Variants in ZMIZ1 observed in about 807,000 individuals in gnomAD.
ZMIZ1 encodes zinc finger MIZ domain-containing protein 1.
A neutral mutation model predicts 113.9 loss-of-function variants in ZMIZ1; 17 were observed. The observed-to-expected ratio is 0.15, with a 90% CI of 0.10 to 0.22. The LOEUF (loss-of-function observed/expected upper bound fraction) is 0.22, where lower values mean the gene tolerates loss of function less well. Among genes scored for constraint, ZMIZ1 ranks in the 10% least tolerant of loss-of-function variants. The pLI is 1.00. For missense variants in ZMIZ1, 1,059 were observed against 1,477.8 expected (o/e 0.72, Z 4.65); for synonymous variants, 607 against 603.1 (o/e 1.01, Z -0.09).
chr10:79,304,501 GTC>G (rs1854550354), intron 19 of ZMIZ1, among the ~76,000 whole-genome samples: 1 of 152,252 alleles, frequency 6.6e-6, no homozygotes, highest in Admixed American at 6.5e-5. Context: ...TCATGCCTCT[GTC>G]CAGGGCCTTG....
Position 79,311,081 on chromosome 10 carries a change from C to T in ZMIZ1, c.2993C>T (p.Pro998Leu). ...QPPRQPPQAA[P>L]SSHPHSDLTF... ...CCCCGGCAGCCGCCACAGGCCGCTC[C>T]CAGCAGCCATCCACACAGCGACCTG... The change falls in exon 24 of 25, where the codon CCC (proline) becomes CTC (leucine). Residue 998 changes from proline (P) to leucine (L), a missense_variant. Pro to Leu is a moderately conservative substitution (Grantham distance 98). This residue lies in a region of ZMIZ1 where 225 missense variants were observed against 276.0 expected (regional missense o/e 0.82). Coordinates refer to ENST00000334512, the MANE Select transcript of ZMIZ1 (RefSeq NM_020338.4). 6.2e-7 allele frequency: 1 copy of T among 1,613,748 alleles called. No homozygotes were observed.
At chr10:79,145,344 T>TGCCCGCGTGACAGA (rs11268036) in intron 3 of ZMIZ1, among the ~76,000 whole-genome samples, 11 of 151,760 alleles carry the variant, frequency 7.2e-5, no homozygotes, top group South Asian at 2.1e-4. Flanking sequence ...CATTCCGGAG[T>TGCCCGCGTGACAGA]GCCTGCGAGG....
rs1846139838 is a variant in ZMIZ1, at chr10:79,162,212, G to A, written c.-50+79G>A. ...CTCATGAGGGCAGGTGCTAGCCCTA[G>A]CACGCTGGACCTTTGACTCGGGCCT... On this transcript the variant is annotated intron_variant, in intron 4 of 24. Coordinates refer to ENST00000334512, the MANE Select transcript of ZMIZ1 (RefSeq NM_020338.4). 3 of 398,386 alleles carry A rather than the reference G, an allele frequency of 7.5e-6. No individual in the cohort carries two copies. In the East Asian group the frequency reaches 1.1e-4, roughly 14 times the overall value. The allele number at this position is 398,386 out of a possible 1,614,324, so 24.7% of individuals were successfully genotyped here.
At chr10:79,265,912 C>A (rs1440182142) in intron 7 of ZMIZ1, among the ~76,000 whole-genome samples, 1 of 152,214 alleles carries the variant, frequency 6.6e-6, no homozygotes, top group African/African-American at 2.4e-5. Context: ...AGCAGCCCAA[C>A]AGGGTGAGCT....
intron 7 of ZMIZ1, among the ~76,000 whole-genome samples, chr10:79,255,490 G>A (rs1850829627): frequency 6.6e-6 from 1 of 152,184 alleles, no homozygotes; most frequent in Admixed American, 6.5e-5. Flanking sequence ...AGTCCGTCTG[G>A]GCACCTCTGT....
chr10:79,124,132 G>A (rs1039705205), intron 2 of ZMIZ1, among the ~76,000 whole-genome samples: 7 of 152,356 alleles, frequency 4.6e-5, no homozygotes, highest in Middle Eastern at 3.4e-3. Flanking sequence ...TGCTGTCCTG[G>A]TGGGCCCTCT....
At chr10:79,141,429 T>A (rs906614655) in intron 3 of ZMIZ1, among the ~76,000 whole-genome samples, 3 of 151,970 alleles carry the variant, frequency 2.0e-5, no homozygotes, top group Non-Finnish European at 4.4e-5. Flanking sequence ...TGTAAAGTAC[T>A]CTTTCACTAG....
At chr10:79,278,501 G>A (rs1054833436) in intron 8 of ZMIZ1, among the ~76,000 whole-genome samples, 7 of 151,156 alleles carry the variant, frequency 4.6e-5, no homozygotes, top group African/African-American at 1.7e-4. Flanking sequence ...GATTTGGCAG[G>A]GTCATAGGAC....
At position 79,122,233 on chromosome 10, in the gene ZMIZ1, C is replaced by T. The variant is rs528306285; in HGVS notation, c.-227+3209C>T. On this transcript the variant is annotated intron_variant, in intron 2 of 24. Transcript: ENST00000334512. ...TCCATAAGCCTCATCTGCCAATGAGCGATGGTACCCTCCTGCCTGCAGAGG... is the reference window on the plus strand; with the variant it reads ...TCCATAAGCCTCATCTGCCAATGAGTGATGGTACCCTCCTGCCTGCAGAGG... Among the ~76,000 whole-genome samples the T allele has an allele frequency of 6.6e-5, 10 of 152,234 alleles. 1 individual carries two copies. The South Asian group carries it at 1.0e-3, about 16-fold the overall frequency.
chr10:79,302,489 G>A (rs888288619), intron 18 of ZMIZ1, among the ~76,000 whole-genome samples: 1 of 152,114 alleles, frequency 6.6e-6, no homozygotes, highest in Non-Finnish European at 1.5e-5. Flanking sequence ...GCCAGAACAG[G>A]CATACCTGCA....
intron 18 of ZMIZ1, 89 bp downstream of exon 18, chr10:79,302,301 G>T (rs1854356228): frequency 3.0e-6 from 4 of 1,354,680 alleles, no homozygotes; most frequent in South Asian, 1.2e-5. Context: ...ACCTGGAACT[G>T]ACCTTTGCCT....
chr10:79,104,651 C>A (rs916863637), intron 1 of ZMIZ1, among the ~76,000 whole-genome samples: 1 of 152,124 alleles, frequency 6.6e-6, no homozygotes, highest in African/African-American at 2.4e-5. Context: ...CAGGGGAGGG[C>A]TCTTTTGCTG....
chr10:79,121,778 A>G (rs559623542), intron 2 of ZMIZ1, among the ~76,000 whole-genome samples: 25 of 152,246 alleles, frequency 1.6e-4, no homozygotes, highest in African/African-American at 6.0e-4. Flanking sequence ...GGGAGGTGAT[A>G]TTTACGCTGG....
At chr10:79,217,275 A>T (rs1848772283) in intron 7 of ZMIZ1, among the ~76,000 whole-genome samples, 1 of 152,174 alleles carries the variant, frequency 6.6e-6, no homozygotes. Flanking sequence ...TACAAAAAAA[A>T]TTAGCCGGGT....
intron 23 of ZMIZ1, among the ~76,000 whole-genome samples, chr10:79,308,152 G>T (rs1854858425): frequency 6.6e-6 from 1 of 152,174 alleles, no homozygotes; most frequent in South Asian, 2.1e-4. Flanking sequence ...CCTTCCTGTG[G>T]CCCCAGTGGC....
At chr10:79,073,195 C>T (rs1842351852) in intron 1 of ZMIZ1, among the ~76,000 whole-genome samples, 1 of 152,168 alleles carries the variant, frequency 6.6e-6, no homozygotes, top group Admixed American at 6.5e-5. Context: ...GTCTCCTGAT[C>T]TGTAAAATGG....
In ZMIZ1 at chr10:79,265,174, G is replaced by A. The variant is rs1040157747; in HGVS notation, c.281-12007G>A. ...CGGGCAGCCCTTGGGGAGAGGGGGC[G>A]GGCGTGCGAGGAGTGTTCCTAGAGG... On this transcript the variant is annotated intron_variant, in intron 7 of 24. Coordinates refer to ENST00000334512, the MANE Select transcript of ZMIZ1 (RefSeq NM_020338.4). Among the ~76,000 whole-genome samples, 6 of 152,176 alleles carry A rather than the reference G, an allele frequency of 3.9e-5. No homozygotes were observed. In the South Asian group the frequency reaches 1.0e-3, roughly 26 times the overall value.
intron 4 of ZMIZ1, among the ~76,000 whole-genome samples, chr10:79,162,839 G>A (rs1006711846): frequency 5.9e-5 from 9 of 152,196 alleles, no homozygotes; most frequent in African/African-American, 1.9e-4. Context: ...TGCCAGGATG[G>A]ACACGAACTG....
At chr10:79,173,856 A>G (rs1464649731) in intron 4 of ZMIZ1, among the ~76,000 whole-genome samples, 2 of 152,116 alleles carry the variant, frequency 1.3e-5, no homozygotes, top group Non-Finnish European at 2.9e-5. Context: ...TAGAATTTGA[A>G]CGCGGCTCCA....
Sources: allele counts gnomAD v4.1 joint callset (sites outside exome capture counted in the v4.1 genomes callset), GRCh38; gene constraint gnomAD v4.1.1; regional missense constraint gnomAD v4.1.1; transcripts MANE v1.5; gene names NCBI Gene and HGNC (gene_info 2026-07-23, HGNC 2026-07-21).